Variants in CCT4 observed in about 807,000 individuals in gnomAD.
CCT4 encodes the protein T-complex protein 1 subunit delta.
Under a neutral mutation model 62.5 loss-of-function variants are expected in CCT4, and 17 were observed. The observed-to-expected ratio is 0.27, with a 90% CI of 0.19 to 0.41. CCT4 has a LOEUF of 0.41. Ranked by LOEUF, CCT4 falls within the 10% of genes least tolerant of loss-of-function variation. The pLI is 1.00. For synonymous variants in CCT4, 250 were observed against 229.9 expected (o/e 1.09, Z -0.79); for missense variants, 592 against 659.2 (o/e 0.90, Z 1.12).
chr2:61,870,117 A>G (rs1668853282), intron 12 of CCT4, among the ~76,000 whole-genome samples: 1 of 151,386 alleles, frequency 6.6e-6, no homozygotes, highest in African/African-American at 2.4e-5. Context: ...CTCTACTAAA[A>G]ATACAATAAA....
Position 61,877,014 on chromosome 2 carries a change from A to C in CCT4, c.683T>G (p.Val228Gly). Residue 228 changes from valine to glycine, a missense_variant, in exon 7 of 14, where the codon GTT becomes GGT. Coordinates refer to ENST00000394440, the MANE Select transcript of CCT4 (RefSeq NM_006430.4). Reference protein sequence around the residue: ...IDDCELVEGLVLTQKVSNSGI... With the variant: ...IDDCELVEGLGLTQKVSNSGI... ...AGAATTTGACACTTTTTGGGTGAGA[A>C]CCAGCCCTTCCACCAACTCACAGTC... 3 of 1,613,754 alleles carry C rather than the reference A, an allele frequency of 1.9e-6. No individual in the cohort carries two copies. Among genetic ancestry groups the C allele is most frequent in the Non-Finnish European group, 2.5e-6 (3 of 1,179,674 alleles).
chr2:61,886,670 T>C (rs1558509460), intron 1 of CCT4, among the ~76,000 whole-genome samples: 3 of 152,174 alleles, frequency 2.0e-5, no homozygotes, highest in African/African-American at 7.2e-5. Flanking sequence ...TTTCAGTTCT[T>C]TGTCTGCTTT....
chr2:61,872,313 A>G lies in CCT4; in HGVS notation c.1260T>C (p.Ala420=). The change falls in exon 12 of 14, where the codon GCT becomes GCC. Residue 420 remains alanine (A), a synonymous_variant. Transcript: ENST00000394440. ...CVIRCLVKKR[A]LIAGGGAPEI... ...CTGGAGCACCACCTCCTGCAATAAG[A>G]GCCCTGAAATTCACAAATATATTTT... is the stretch of plus-strand genomic sequence containing the variant. 2 of 1,583,028 alleles carry G rather than the reference A, an allele frequency of 1.3e-6. No homozygotes were observed. The highest frequency in any genetic ancestry group is 1.7e-6 in the Non-Finnish European group (2 of 1,159,698).
At chr2:61,877,160 C>CTGAA in intron 6 of CCT4, 108 bp from the exon 7 acceptor site, 1 of 1,074,306 alleles carries the variant, frequency 9.3e-7, no homozygotes, top group Non-Finnish European at 1.4e-6. Context: ...ATGATTCAGC[C>CTGAA]TCACATTTAT....
intron 6 of CCT4, 54 bp from the exon 7 acceptor site, chr2:61,877,106 C>A: frequency 6.7e-7 from 1 of 1,481,518 alleles, no homozygotes; most frequent in Non-Finnish European, 9.3e-7. Flanking sequence ...GACATCTGTA[C>A]GTTTAATAGA....
At chr2:61,868,733 A>C (rs745888201) in intron 13 of CCT4, 27 bp from the exon 14 acceptor site, 2 of 1,536,094 alleles carry the variant, frequency 1.3e-6, no homozygotes, top group South Asian at 2.2e-5. Context: ...TTAGATTTCA[A>C]AACCTGTAAT....
At chr2:61,885,094 A>AG (rs1669218957) in intron 1 of CCT4, 22 bp from the exon 2 acceptor site, 1 of 1,523,968 alleles carries the variant, frequency 6.6e-7, no homozygotes, top group South Asian at 1.3e-5. Context: ...GGGGAAAAAA[A>AG]AGAAAACAAA....
chr2:61,869,539 G>A lies in CCT4; in HGVS notation c.1506C>T (p.Asn502=). ...GINVRKGGIS[N]ILEELVVQPL... is the part of the protein sequence containing the mutation. ...GCTGGACAACCAGTTCCTCCAAAAT[G>A]TTGGAAATACCACCCTGCAAATCAA... The change falls in exon 13 of 14, where the codon AAC becomes AAT. Residue 502 remains asparagine (N), a synonymous_variant. Coordinates refer to ENST00000394440, the MANE Select transcript of CCT4 (RefSeq NM_006430.4). 1 of 1,600,508 alleles carries A rather than the reference G, an allele frequency of 6.2e-7. No individual in the cohort carries two copies. The highest frequency in any genetic ancestry group is 8.6e-7 in the Non-Finnish European group (1 of 1,167,654).
chr2:61,872,155 G>A lies in CCT4; in HGVS notation c.1418C>T (p.Pro473Leu). 1 of 1,614,048 alleles carries A rather than the reference G, an allele frequency of 6.2e-7. No homozygotes were observed. Among genetic ancestry groups the A allele is most frequent in the Non-Finnish European group, 8.5e-7 (1 of 1,180,004 alleles). Residue 473 changes from proline (P) to leucine (L), a missense_variant, in exon 12 of 14, where the codon CCC (proline) becomes CTC (leucine). By Grantham distance (98) the Pro-to-Leu change is moderately conservative (BLOSUM62 -3). This residue lies in a region of CCT4 where 522 missense variants were observed against 571.2 expected (regional missense o/e 0.91). Coordinates refer to ENST00000394440, the MANE Select transcript of CCT4 (RefSeq NM_006430.4). ...STLAENAGLN[P>L]ISTVTELRNR... ...TCTTAGTTCTGTTACTGTAGAAATG[G>A]GATTCAGGCCGGCATTTTCAGCTAG...
intron 8 of CCT4, among the ~76,000 whole-genome samples, chr2:61,875,377 G>A (rs1238105723): frequency 1.3e-5 from 2 of 151,906 alleles, no homozygotes; most frequent in Non-Finnish European, 2.9e-5. Context: ...AGGAGATCGA[G>A]ACCATCCTGG....
At position 61,888,556 on chromosome 2, in the gene CCT4, G is replaced by C; in HGVS notation, c.-49C>G. On this transcript the variant is annotated 5_prime_UTR_variant, in exon 1 of 14. Coordinates refer to ENST00000394440, the MANE Select transcript of CCT4 (RefSeq NM_006430.4). Reference sequence around the variant, plus strand: ...TGGCTCGGGAAGGACGGATGGACCCGGATTCTGGCCGGCCGCAGTGTAATA... The same window carrying C: ...TGGCTCGGGAAGGACGGATGGACCCCGATTCTGGCCGGCCGCAGTGTAATA... The C allele has an allele frequency of 6.3e-7, 1 of 1,588,486 alleles. No homozygotes were observed. The highest frequency in any genetic ancestry group is 8.6e-7 in the Non-Finnish European group (1 of 1,167,744).
intron 12 of CCT4, among the ~76,000 whole-genome samples, chr2:61,869,870 G>T (rs762116402): frequency 1.3e-5 from 2 of 150,966 alleles, no homozygotes; most frequent in Admixed American, 6.6e-5. Context: ...CTGATCTCAT[G>T]ATCTGCCCGC....
At chr2:61,877,558 A>T (rs1309655151) in intron 5 of CCT4, 44 bp from the exon 6 acceptor site, 2 of 1,439,842 alleles carry the variant, frequency 1.4e-6, no homozygotes, top group African/African-American at 2.9e-5. Context: ...CACAGTAGAA[A>T]AAAGTCCTAA....
intron 3 of CCT4, among the ~76,000 whole-genome samples, chr2:61,881,188 AGTTTT>A (rs1015715431): frequency 1.9e-4 from 28 of 146,902 alleles, no homozygotes; most frequent in Non-Finnish European, 3.5e-4. Flanking sequence ...GTAGCAGTGA[AGTTTT>A]GTTTTATTTA....
intron 9 of CCT4, 34 bp from the exon 10 acceptor site, chr2:61,873,146 A>G: frequency 6.8e-7 from 1 of 1,477,714 alleles, no homozygotes; most frequent in Non-Finnish European, 9.5e-7. Context: ...AAATTAAGAC[A>G]TTTATCTAAT....
At chr2:61,884,816 T>C (rs540639990) in intron 2 of CCT4, among the ~76,000 whole-genome samples, 9 of 151,986 alleles carry the variant, frequency 5.9e-5, no homozygotes, top group South Asian at 2.1e-4. Flanking sequence ...TTAGTAGACA[T>C]AGGGTTTCTC....
At chr2:61,887,601 T>G (rs1366067191) in intron 1 of CCT4, among the ~76,000 whole-genome samples, 1 of 152,232 alleles carries the variant, frequency 6.6e-6, no homozygotes, top group African/African-American at 2.4e-5. Context: ...ATTTTTCTAT[T>G]TCAACTCGAT....
At position 61,876,802 on chromosome 2, in the gene CCT4, G is replaced by C. The variant is rs756335077; in HGVS notation, c.777+118C>G. On this transcript the variant is annotated intron_variant, in intron 7 of 13. Transcript: ENST00000394440. ...AATTACTATTTTTGTCTCAATTCTA[G>C]TAAGTCTTTTGAGATCTGCTTTAAA... is the stretch of plus-strand genomic sequence containing the variant. 7 of 819,134 alleles carry C rather than the reference G, an allele frequency of 8.5e-6. No homozygotes were observed. The Admixed American group carries it at 1.8e-4, about 21-fold the overall frequency. 50.7% of individuals were successfully genotyped at this position (819,134 alleles called of 1,614,324 possible). A position where few individuals can be genotyped will look rare whatever the true frequency, so the allele number is the denominator to read the frequency against.
intron 3 of CCT4, among the ~76,000 whole-genome samples, chr2:61,882,878 C>G (rs747461849): frequency 2.0e-5 from 3 of 151,134 alleles, no homozygotes; most frequent in African/African-American, 4.9e-5. Flanking sequence ...TTATAGCTCT[C>G]TGCAGCCACA....
Sources: allele counts gnomAD v4.1 joint callset (sites outside exome capture counted in the v4.1 genomes callset), GRCh38; gene constraint gnomAD v4.1.1; regional missense constraint gnomAD v4.1.1; transcripts MANE v1.5; gene names NCBI Gene and HGNC (gene_info 2026-07-23, HGNC 2026-07-21).